Variants in FZD3 observed in about 807,000 individuals in gnomAD.
The protein encoded by FZD3 is frizzled-3.
A neutral mutation model predicts 60.7 loss-of-function variants in FZD3; 30 were observed. The observed-to-expected ratio is 0.49, with a 90% confidence interval of 0.37 to 0.67. FZD3 has a LOEUF of 0.67. Among genes scored for constraint, FZD3 ranks in the 30% least tolerant of loss-of-function variants. FZD3 has a pLI of 0.00. For missense variants in FZD3, 605 were observed against 838.7 expected, an observed-to-expected ratio of 0.72 and a Z score of 3.44; for synonymous variants, 246 against 275.2, an observed-to-expected ratio of 0.89 and a Z score of 1.05.
At chr8:28,549,524 C>A (rs1248223249) in intron 5 of FZD3, among the ~76,000 whole-genome samples, 1 of 152,076 alleles carries the variant, frequency 6.6e-6, no homozygotes, top group Non-Finnish European at 1.5e-5. Context: ...ATAATGATCA[C>A]ATTGCCTCCT....
chr8:28,561,294 T>G (rs1457189778), intron 7 of FZD3, among the ~76,000 whole-genome samples: 2 of 152,134 alleles, frequency 1.3e-5, no homozygotes, highest in African/African-American at 4.8e-5. Context: ...TGACCTCAAG[T>G]GATCTGCCCA....
chr8:28,523,610 A>AAG (rs1804640920), intron 4 of FZD3, among the ~76,000 whole-genome samples: 1 of 151,918 alleles, frequency 6.6e-6, no homozygotes, highest in East Asian at 1.9e-4. Flanking sequence ...AAAAAAAAAA[A>AAG]AAAATTTGTA....
At position 28,522,487 on chromosome 8, in the gene FZD3, C is replaced by G. The variant is rs976584208; in HGVS notation, c.386+1653C>G. On this transcript the variant is annotated intron_variant, in intron 4 of 7. Transcript: ENST00000240093. ...CCATCTAACCATTCATGTCTTCTGT[C>G]TCCAGACACCTGGAAGTGTTTCCAG... Among the ~76,000 whole-genome samples, 4 of 152,166 alleles carry G rather than the reference C, an allele frequency of 2.6e-5. No homozygotes were observed. In the South Asian group the frequency reaches 8.3e-4, roughly 32 times the overall value.
In FZD3 at chr8:28,502,964, T is replaced by A. The variant is rs1332253960; in HGVS notation, c.-50T>A. The A allele has an allele frequency of 8.0e-7, 1 of 1,250,948 alleles. No individual in the cohort carries two copies. Among genetic ancestry groups the A allele is most frequent in the Non-Finnish European group, 1.1e-6 (1 of 876,192 alleles). The allele number at this position is 1,250,948 out of a possible 1,614,324, so 77.5% of individuals were successfully genotyped here. ...CCTGCAGGTGTATAAATATCTAAAA[T>A]ACATATTGAATAGGCCTGATCATCT... On this transcript the variant is annotated 5_prime_UTR_variant, in exon 3 of 8. Transcript: ENST00000240093.
chr8:28,530,089 C>CTGTGTGTGTGTG (rs59022036), intron 5 of FZD3, among the ~76,000 whole-genome samples: 53 of 138,586 alleles, frequency 3.8e-4, no homozygotes, highest in Non-Finnish European at 5.8e-4. Flanking sequence ...TGAAATATAT[C>CTGTGTGTGTGTG]TGTGTGTGTG....
chr8:28,502,137 A>G (rs1804011525), intron 2 of FZD3, among the ~76,000 whole-genome samples: 1 of 152,210 alleles, frequency 6.6e-6, no homozygotes, highest in Admixed American at 6.5e-5. Context: ...CTAGGTACAT[A>G]GAAGTTAAGT....
intron 5 of FZD3, among the ~76,000 whole-genome samples, chr8:28,532,460 G>C (rs960834241): frequency 1.8e-4 from 28 of 152,088 alleles, no homozygotes; most frequent in Non-Finnish European, 1.5e-4. Flanking sequence ...ACAAAGTCTC[G>C]CTCTGTTGCC....
At chr8:28,557,160 C>T (rs880481) in intron 7 of FZD3, among the ~76,000 whole-genome samples, 79,094 of 147,872 alleles carry the variant, frequency 0.53, 21,548 homozygotes, top group South Asian at 0.63. Flanking sequence ...AGTGAGCTGA[C>T]ATCGTGCCAC....
In FZD3 at chr8:28,568,087, TAA is replaced by T; in HGVS notation, c.*5077_*5078del. The T allele has an allele frequency of 2.0e-5, 3 of 152,126 alleles. No homozygotes were observed. Among genetic ancestry groups the T allele is most frequent in the Non-Finnish European group, 4.4e-5 (3 of 68,012 alleles). The allele number at this position is 152,126 out of a possible 1,614,324, so 9.4% of individuals were successfully genotyped here. Reference sequence around the variant, plus strand: ...TATGAGAATTGTTTGTACACATTTATAATTTTTTTAAAGTATGTAAAGTAAGG... The same window carrying T: ...TATGAGAATTGTTTGTACACATTTATTTTTTTTAAAGTATGTAAAGTAAGG... On this transcript the variant is annotated 3_prime_UTR_variant, in exon 8 of 8. Coordinates refer to ENST00000240093, the MANE Select transcript of FZD3 (RefSeq NM_017412.4).
intron 4 of FZD3, among the ~76,000 whole-genome samples, chr8:28,522,052 A>G (rs1365827651): frequency 6.6e-6 from 1 of 151,490 alleles, no homozygotes; most frequent in Non-Finnish European, 1.5e-5. Flanking sequence ...AGAATATGTG[A>G]CTTTAAGCAC....
intron 3 of FZD3, among the ~76,000 whole-genome samples, chr8:28,509,744 C>T (rs1421951955): frequency 6.6e-6 from 1 of 152,164 alleles, no homozygotes; most frequent in Non-Finnish European, 1.5e-5. Flanking sequence ...CCTCAAGGTT[C>T]ATCAATGTAT....
intron 4 of FZD3, among the ~76,000 whole-genome samples, chr8:28,521,628 A>T (rs1804581913): frequency 6.6e-6 from 1 of 152,102 alleles, no homozygotes; most frequent in Non-Finnish European, 1.5e-5. Flanking sequence ...GAGTGAGATA[A>T]TCTTTATGTT....
At chr8:28,504,013 C>T (rs1804070870) in intron 3 of FZD3, among the ~76,000 whole-genome samples, 1 of 152,182 alleles carries the variant, frequency 6.6e-6, no homozygotes, top group South Asian at 2.1e-4. Flanking sequence ...AACGTGGTTA[C>T]ATAACATAAT....
intron 4 of FZD3, among the ~76,000 whole-genome samples, chr8:28,522,195 C>G (rs943325469): frequency 6.7e-6 from 1 of 149,602 alleles, no homozygotes; most frequent in Non-Finnish European, 1.5e-5. Flanking sequence ...ACCTTCACCT[C>G]CCGGGTTCAA....
intron 3 of FZD3, among the ~76,000 whole-genome samples, chr8:28,504,856 A>G (rs1804094677): frequency 6.6e-6 from 1 of 152,232 alleles, no homozygotes; most frequent in Non-Finnish European, 1.5e-5. Flanking sequence ...TGATAGCATG[A>G]TAGGCTCTCT....
chr8:28,549,480 A>G (rs531216862), intron 5 of FZD3, among the ~76,000 whole-genome samples: 2 of 152,134 alleles, frequency 1.3e-5, no homozygotes, highest in South Asian at 4.1e-4. Flanking sequence ...TTATTCTCTT[A>G]GTTTTTCCAG....
rs1017332864 is a variant in FZD3 at position 28,564,983 on chromosome 8, T to C, written c.*1972T>C. 4.6e-5 allele frequency: 7 copies of C among 152,178 alleles called. No homozygotes were observed. The highest frequency in any genetic ancestry group is 1.3e-4 in the Admixed American group (2 of 15,282). 9.4% of individuals were successfully genotyped at this position (152,178 alleles called of 1,614,324 possible). ...TATGAATGATAAGGGATTAGGTTATTGTGGATTTAAGAGGTGTGAGGACTG... is the reference window on the plus strand; with the variant it reads ...TATGAATGATAAGGGATTAGGTTATCGTGGATTTAAGAGGTGTGAGGACTG... On this transcript the variant is annotated 3_prime_UTR_variant, in exon 8 of 8. Transcript: ENST00000240093.
At chr8:28,537,304 T>C (rs1175194784) in intron 5 of FZD3, among the ~76,000 whole-genome samples, 2 of 152,236 alleles carry the variant, frequency 1.3e-5, no homozygotes, top group Non-Finnish European at 2.9e-5. Flanking sequence ...CAAGTTATTA[T>C]TCTGGCCTCT....
chr8:28,535,727 T>C (rs1204949503), intron 5 of FZD3, among the ~76,000 whole-genome samples: 1 of 152,228 alleles, frequency 6.6e-6, no homozygotes, highest in Non-Finnish European at 1.5e-5. Flanking sequence ...TAAAAACTGG[T>C]TTATTTCTAG....
Sources: allele counts gnomAD v4.1 joint callset (sites outside exome capture counted in the v4.1 genomes callset), GRCh38; gene constraint gnomAD v4.1.1; transcripts MANE v1.5; gene names NCBI Gene and HGNC (gene_info 2026-07-23, HGNC 2026-07-21).